Variants in CDH18 observed in about 807,000 individuals in gnomAD.
CDH18 encodes the protein cadherin 18.
In CDH18, 31 loss-of-function variants were observed where a neutral mutation model predicts 67.9. The observed-to-expected ratio is 0.46, with a 90% confidence interval of 0.34 to 0.62. The LOEUF (loss-of-function observed/expected upper bound fraction) is 0.62, where lower values mean the gene tolerates loss of function less well. Ranked by LOEUF, CDH18 falls within the 20% of genes least tolerant of loss-of-function variation. The pLI, the probability that CDH18 is intolerant of heterozygous loss-of-function variation, is 0.01. For synonymous variants in CDH18, 362 were observed against 347.2 expected (o/e 1.04, Z -0.48); for missense variants, 890 against 975.5 (o/e 0.91, Z 1.17).
intron 2 of CDH18, among the ~76,000 whole-genome samples, chr5:20,119,853 C>G (rs538446440): frequency 6.6e-6 from 1 of 151,804 alleles, no homozygotes; most frequent in African/African-American, 2.4e-5. Context: ...TATAACATAA[C>G]AACAGCATCT....
intron 2 of CDH18, among the ~76,000 whole-genome samples, chr5:20,250,159 G>A (rs1743721865): frequency 6.6e-6 from 1 of 152,134 alleles, no homozygotes; most frequent in Admixed American, 6.6e-5. Flanking sequence ...TAAAGACATG[G>A]TTAGGGCTTA....
intron 1 of CDH18, among the ~76,000 whole-genome samples, chr5:20,309,197 G>A (rs1289873154): frequency 6.6e-6 from 1 of 152,176 alleles, no homozygotes; most frequent in Admixed American, 6.5e-5. Flanking sequence ...AGAGAAAATT[G>A]TCTTGTTTCA....
intron 6 of CDH18, among the ~76,000 whole-genome samples, chr5:19,607,516 TGAATGGAGGAC>T: frequency 6.6e-6 from 1 of 150,770 alleles, no homozygotes; most frequent in Non-Finnish European, 1.5e-5. Flanking sequence ...TTTTAAAAAG[TGAATGGAGGAC>T]AAAATGAATG....
chr5:19,473,441 G>T lies in CDH18; in HGVS notation c.2158C>A (p.Leu720Met), dbSNP rs752646402. The T allele has an allele frequency of 1.9e-6, 3 of 1,613,748 alleles. No homozygotes were observed. The highest frequency in any genetic ancestry group is 2.5e-6 in the Non-Finnish European group (3 of 1,179,894). The change falls in exon 13 of 13, where the codon CTG (leucine) becomes ATG (methionine). Residue 720 changes from leucine (L) to methionine (M), a missense_variant. Coordinates refer to ENST00000382275, the MANE Select transcript of CDH18 (RefSeq NM_004934.5). ...CTAGGGTCTAGGTCTGCTTCTGCCA[G>T]TCTTTGCTTAATAAATTCCTGAACA... ...IDVQEFIKQR[L>M]AEADLDPSVP...
intron 1 of CDH18, among the ~76,000 whole-genome samples, chr5:20,311,788 T>C (rs1406952094): frequency 6.6e-6 from 1 of 152,140 alleles, no homozygotes; most frequent in Non-Finnish European, 1.5e-5. Context: ...GAACTTAAAG[T>C]ATAATAATAT....
intron 1 of CDH18, among the ~76,000 whole-genome samples, chr5:19,982,860 T>A (rs1267921706): frequency 6.6e-6 from 1 of 151,872 alleles, no homozygotes; most frequent in Non-Finnish European, 1.5e-5. Context: ...CTGGCTAACA[T>A]GGTGAAACCC....
intron 2 of CDH18, among the ~76,000 whole-genome samples, chr5:20,081,233 T>C (rs1012625854): frequency 3.3e-5 from 5 of 152,130 alleles, no homozygotes; most frequent in African/African-American, 1.2e-4. Flanking sequence ...TTAATACCCT[T>C]AAAGTTTTAT....
intron 1 of CDH18, among the ~76,000 whole-genome samples, chr5:20,569,477 C>T (rs1758689801): frequency 6.6e-6 from 1 of 151,882 alleles, no homozygotes; most frequent in South Asian, 2.1e-4. Context: ...AAATAATTAG[C>T]CAGGCGTGGT....
intron 8 of CDH18, among the ~76,000 whole-genome samples, chr5:19,559,915 C>CAAAA (rs754748614): frequency 7.5e-4 from 99 of 131,928 alleles, no homozygotes; most frequent in African/African-American, 2.8e-3. Context: ...ATAATAGTTG[C>CAAAA]AAAAACAAAC....
At chr5:19,970,144 G>A (rs750632288) in intron 2 of CDH18, among the ~76,000 whole-genome samples, 38 of 151,608 alleles carry the variant, frequency 2.5e-4, no homozygotes, top group Non-Finnish European at 5.3e-4. Flanking sequence ...AACACCTACT[G>A]CTCCAGGGCA....
intron 1 of CDH18, among the ~76,000 whole-genome samples, chr5:20,280,828 T>G (rs1251725513): frequency 6.6e-6 from 1 of 152,184 alleles, no homozygotes; most frequent in Non-Finnish European, 1.5e-5. Flanking sequence ...CCACCAACAG[T>G]GTAAAAGTGT....
intron 2 of CDH18, among the ~76,000 whole-genome samples, chr5:20,083,858 T>C (rs1009277225): frequency 2.0e-5 from 3 of 152,138 alleles, no homozygotes; most frequent in Non-Finnish European, 4.4e-5. Flanking sequence ...GAGAACAGCA[T>C]GGGAAAGACT....
At chr5:19,791,208 C>T (rs1338970816) in intron 3 of CDH18, among the ~76,000 whole-genome samples, 1 of 151,978 alleles carries the variant, frequency 6.6e-6, no homozygotes, top group Admixed American at 6.6e-5. Context: ...AGTTGGCTTC[C>T]TCATTTGAAA....
At chr5:19,855,431 AAATCAGGGAGAGTGCATTGG>A (rs1784174633) in intron 2 of CDH18, among the ~76,000 whole-genome samples, 1 of 152,194 alleles carries the variant, frequency 6.6e-6, no homozygotes, top group African/African-American at 2.4e-5. Flanking sequence ...GGGTGGATGA[AAATCAGGGAGAGTGCATTGG>A]ATAGGAAGGA....
At chr5:19,616,046 C>A (rs1749778192) in intron 5 of CDH18, among the ~76,000 whole-genome samples, 1 of 152,008 alleles carries the variant, frequency 6.6e-6, no homozygotes, top group Admixed American at 6.6e-5. Context: ...TGGGTAAACA[C>A]AAATAAGTGT....
Position 20,487,775 on chromosome 5 carries a change from T to C in CDH18, c.-580+87687A>G, listed in dbSNP as rs553272733. 7.9e-5 allele frequency among the ~76,000 whole-genome samples: 12 copies of C among 151,878 alleles called. No individual in the cohort carries two copies. The South Asian group carries it at 2.5e-3, about 32-fold the overall frequency. ...ATAGCATGCATATATATATATATGCTATATATACTATTTAATAGTATTATT... is the reference window on the plus strand; with the variant it reads ...ATAGCATGCATATATATATATATGCCATATATACTATTTAATAGTATTATT... On this transcript the variant is annotated intron_variant, in intron 1 of 14. Transcript: ENST00000507958.
At chr5:20,344,552 A>AG (rs143935366) in intron 1 of CDH18, among the ~76,000 whole-genome samples, 8,060 of 152,096 alleles carry the variant, frequency 0.053, 687 homozygotes, top group African/African-American at 0.18. Flanking sequence ...CCCTTATACA[A>AG]GGGCTGTCAC....
At chr5:20,491,625 C>G (rs1753591647) in intron 1 of CDH18, among the ~76,000 whole-genome samples, 2 of 152,168 alleles carry the variant, frequency 1.3e-5, no homozygotes, top group Non-Finnish European at 2.9e-5. Flanking sequence ...CAAAGAGCAT[C>G]AGCGGCAGAA....
chr5:19,844,437 T>C (rs1333406609), intron 2 of CDH18, among the ~76,000 whole-genome samples: 8 of 152,158 alleles, frequency 5.3e-5, no homozygotes, highest in Non-Finnish European at 7.4e-5. Flanking sequence ...AAAGGGCATG[T>C]TTGTTTCTCC....
Sources: gnomAD v4.1 joint callset for allele counts (sites outside exome capture counted in the v4.1 genomes callset) on GRCh38, gnomAD v4.1.1 for gene constraint, MANE v1.5 for transcripts, NCBI Gene and HGNC (gene_info 2026-07-23, HGNC 2026-07-21) for gene names.